The following EPHB2 variants were observed in gnomAD, a reference collection of about 807,000 sequenced individuals.
EPHB2 encodes the protein ephrin type-B receptor 2.
A neutral mutation model predicts 96.4 loss-of-function variants in EPHB2; 18 were observed. That is an observed-to-expected ratio of 0.19 (90% CI 0.13 to 0.28). The LOEUF (loss-of-function observed/expected upper bound fraction) is 0.28. EPHB2 is among the 10% of genes least tolerant of loss of function. EPHB2 has a pLI of 1.00. For synonymous variants in EPHB2, 506 were observed against 534.1 expected (o/e 0.95, Z 0.72); for missense variants, 989 against 1,355.4 (o/e 0.73, Z 4.25).
At chr1:22,732,906 A>G (rs1355432679) in intron 1 of EPHB2, among the ~76,000 whole-genome samples, 2 of 152,342 alleles carry the variant, frequency 1.3e-5, no homozygotes, top group Non-Finnish European at 1.5e-5. Context: ...TTGAATACAG[A>G]TGAAGAATGA....
rs141826851 is a variant in EPHB2 at position 22,844,619 on chromosome 1, A to C, written c.812-18418A>C. 2.0e-3 allele frequency among the ~76,000 whole-genome samples: 298 copies of C among 152,324 alleles called. 1 individual carries two copies. Among genetic ancestry groups the C allele is most frequent in the Non-Finnish European group, 3.7e-3 (250 of 68,032 alleles). On this transcript the variant is annotated intron_variant, in intron 3 of 15. Transcript: ENST00000374630. ...AGGTGGAAAAACTGAGGCACAGAAAAGTTATATTATTTACCCAAGGTCACT... is the reference window on the plus strand; with the variant it reads ...AGGTGGAAAAACTGAGGCACAGAAACGTTATATTATTTACCCAAGGTCACT...
At chr1:22,775,306 AC>A in intron 1 of EPHB2, 1 of 774,888 alleles carries the variant, frequency 1.3e-6, no homozygotes, top group Non-Finnish European at 2.4e-6. Context: ...AATAGTATAT[AC>A]TTCTGGAGGT....
At position 22,906,922 on chromosome 1, in the gene EPHB2, T is replaced by C; in HGVS notation, c.2101T>C (p.Phe701Leu). The change falls in exon 11 of 16, where the codon TTC becomes CTC. Residue 701 changes from phenylalanine to leucine, a missense_variant. Coordinates refer to ENST00000374630, the MANE Select transcript of EPHB2 (RefSeq NM_017449.5). The surrounding 1 kb of genome is among the most constrained non-coding windows in gnomAD (Gnocchi z 4.8). ...KSTPVMIITEFMENGSLDSFL... is the reference protein window; with the variant it reads ...KSTPVMIITELMENGSLDSFL... ...CACACCTGTGATGATCATCACCGAG[T>C]TCATGGAGAATGGCTCCCTGGACTC... 6.2e-7 allele frequency: 1 copy of C among 1,613,018 alleles called. No individual in the cohort carries two copies. The highest frequency in any genetic ancestry group is 8.5e-7 in the Non-Finnish European group (1 of 1,179,178).
At chr1:22,726,207 T>C (rs933495912) in intron 1 of EPHB2, among the ~76,000 whole-genome samples, 4 of 152,080 alleles carry the variant, frequency 2.6e-5, no homozygotes, top group Non-Finnish European at 5.9e-5. Flanking sequence ...TTTTTCTCCT[T>C]CTCCTACTCC....
At chr1:22,724,373 CCT>C (rs1200456037) in intron 1 of EPHB2, among the ~76,000 whole-genome samples, 2 of 152,108 alleles carry the variant, frequency 1.3e-5, no homozygotes, top group African/African-American at 4.8e-5. Context: ...CTCTCTAACC[CCT>C]GTTTTAGATC....
rs544388184 is a variant in EPHB2 at position 22,764,263 on chromosome 1, A to C, written c.62-17158A>C. On this transcript the variant is annotated intron_variant, in intron 1 of 15. Transcript: ENST00000374630. Reference sequence around the variant, plus strand: ...AGTGATTGCTTTGTGTTATAATTTGAGTGATAATGACCACGGTCAATATTT... The same window carrying C: ...AGTGATTGCTTTGTGTTATAATTTGCGTGATAATGACCACGGTCAATATTT... Among the ~76,000 whole-genome samples, 3 of 152,298 alleles carry C rather than the reference A, an allele frequency of 2.0e-5. No individual in the cohort carries two copies. In the East Asian group the frequency reaches 5.8e-4, roughly 29 times the overall value.
chr1:22,842,284 T>C (rs528424977), intron 3 of EPHB2, among the ~76,000 whole-genome samples: 3 of 152,166 alleles, frequency 2.0e-5, no homozygotes, highest in African/African-American at 7.2e-5. Flanking sequence ...GCTGAAATCA[T>C]GAAATATTCC....
At chr1:22,762,622 T>A (rs1375257557) in intron 1 of EPHB2, among the ~76,000 whole-genome samples, 2 of 152,142 alleles carry the variant, frequency 1.3e-5, no homozygotes, top group Non-Finnish European at 2.9e-5. Context: ...TTCCCCTCAC[T>A]GAATCCCAGT....
At chr1:22,862,310 C>T (rs1638288692) in intron 3 of EPHB2, among the ~76,000 whole-genome samples, 1 of 152,210 alleles carries the variant, frequency 6.6e-6, no homozygotes, top group Non-Finnish European at 1.5e-5. Flanking sequence ...ACTGCAGGCC[C>T]GCCTTTTATT....
intron 3 of EPHB2, among the ~76,000 whole-genome samples, chr1:22,854,691 C>A (rs182189843): frequency 6.6e-6 from 1 of 152,264 alleles, no homozygotes; most frequent in East Asian, 1.9e-4. Flanking sequence ...CAGGGAGGCT[C>A]CTGGCCCAGC....
At chr1:22,774,083 GC>G (rs1025687630) in intron 1 of EPHB2, among the ~76,000 whole-genome samples, 2 of 152,140 alleles carry the variant, frequency 1.3e-5, no homozygotes, top group African/African-American at 4.8e-5. Flanking sequence ...ACACTTCTGT[GC>G]CTTTGATTCT....
chr1:22,720,001 T>C (rs1643412045), intron 1 of EPHB2, among the ~76,000 whole-genome samples: 1 of 152,178 alleles, frequency 6.6e-6, no homozygotes, highest in Non-Finnish European at 1.5e-5. Context: ...CTCAGCTAGG[T>C]TGGGCTGGAA....
In EPHB2 at chr1:22,858,665, G is replaced by GC. The variant is rs976027840; in HGVS notation, c.812-4366dup. Reference sequence around the variant, plus strand: ...CCACCCAGAAGTTGGGAGTGGTGTGGCCCCCCGGGCACTGTGGGCAGTGGC... The same window carrying GC: ...CCACCCAGAAGTTGGGAGTGGTGTGGCCCCCCCGGGCACTGTGGGCAGTGGC... On this transcript the variant is annotated intron_variant, in intron 3 of 15. Coordinates refer to ENST00000374630, the MANE Select transcript of EPHB2 (RefSeq NM_017449.5). The surrounding 1 kb of genome is among the most constrained non-coding windows in gnomAD (Gnocchi z 7.7). 2.0e-5 allele frequency among the ~76,000 whole-genome samples: 3 copies of GC among 152,212 alleles called. No individual in the cohort carries two copies. Among genetic ancestry groups the GC allele is most frequent in the East Asian group, 1.9e-4 (1 of 5,176 alleles).
At chr1:22,897,051 G>T (rs908528408) in intron 9 of EPHB2, among the ~76,000 whole-genome samples, 1 of 152,194 alleles carries the variant, frequency 6.6e-6, no homozygotes, top group Admixed American at 6.5e-5. Flanking sequence ...TCACTCTGTG[G>T]CTCCAGACCC....
intron 8 of EPHB2, 32 bp from the exon 9 acceptor site, chr1:22,896,382 G>T: frequency 1.2e-6 from 2 of 1,614,010 alleles, no homozygotes; most frequent in African/African-American, 1.3e-5. Flanking sequence ...GCGCCTTCAG[G>T]TGGCTCCAGC....
chr1:22,851,115 C>A (rs1645619764), intron 3 of EPHB2, among the ~76,000 whole-genome samples: 1 of 152,236 alleles, frequency 6.6e-6, no homozygotes, highest in African/African-American at 2.4e-5. Flanking sequence ...CCACCTCAGC[C>A]TCCCAAGTAA....
At chr1:22,770,737 C>T (rs1644369533) in intron 1 of EPHB2, among the ~76,000 whole-genome samples, 1 of 152,126 alleles carries the variant, frequency 6.6e-6, no homozygotes, top group South Asian at 2.1e-4. Flanking sequence ...AAGGTTATTT[C>T]CCCCATCTGC....
At chr1:22,840,233 G>A (rs978734478) in intron 3 of EPHB2, among the ~76,000 whole-genome samples, 12 of 152,142 alleles carry the variant, frequency 7.9e-5, no homozygotes, top group Admixed American at 2.0e-4. Flanking sequence ...AGCCTCTAGC[G>A]TGGTGTGTGG....
intron 1 of EPHB2, among the ~76,000 whole-genome samples, chr1:22,742,484 C>CCTTCCTTT (rs1643916407): frequency 6.6e-6 from 1 of 152,116 alleles, no homozygotes; most frequent in African/African-American, 2.4e-5. Flanking sequence ...TTCCTTCCTT[C>CCTTCCTTT]CTTCCTTCCT....
Sources: allele counts gnomAD v4.1 joint callset (sites outside exome capture counted in the v4.1 genomes callset), GRCh38; gene constraint gnomAD v4.1.1; non-coding constraint Gnocchi (gnomAD v3.1); transcripts MANE v1.5; gene names NCBI Gene and HGNC (gene_info 2026-07-23, HGNC 2026-07-21).